ARHGEF10L: variants seen among roughly 807,000 people sequenced by gnomAD.
ARHGEF10L encodes Rho guanine nucleotide exchange factor 10 like, also known as rho guanine nucleotide exchange factor 10-like protein.
Under a neutral mutation model 141.2 loss-of-function variants are expected in ARHGEF10L, and 69 were observed. The ratio of observed to expected loss-of-function variants is 0.49; its 90% CI spans 0.40 to 0.60. ARHGEF10L has a LOEUF of 0.60. Ranked by LOEUF, ARHGEF10L falls within the 20% of genes least tolerant of loss-of-function variation. The pLI, the probability that ARHGEF10L is intolerant of heterozygous loss-of-function variation, is 0.00. For synonymous variants in ARHGEF10L, 711 were observed against 718.5 expected (o/e 0.99, Z 0.17); for missense variants, 1,482 against 1,734.3 (o/e 0.85, Z 2.58).
chr1:17,539,524 G>T (rs938776270), upstream of ARHGEF10L, among the ~76,000 whole-genome samples: 4 of 151,942 alleles, frequency 2.6e-5, no homozygotes, highest in Non-Finnish European at 5.9e-5. The surrounding 1 kb of genome is among the most constrained non-coding windows in gnomAD (Gnocchi z 6.0). Context: ...TACTGTGGGG[G>T]GCCGGTGGGC....
At chr1:17,630,451 C>G (rs935386653) in intron 15 of ARHGEF10L, among the ~76,000 whole-genome samples, 14 of 152,338 alleles carry the variant, frequency 9.2e-5, no homozygotes, top group Middle Eastern at 3.4e-3. Flanking sequence ...GAGTAGTGGT[C>G]TCTTGAGTTG....
chr1:17,617,810 C>T (rs2059889679), intron 9 of ARHGEF10L, among the ~76,000 whole-genome samples: 1 of 152,034 alleles, frequency 6.6e-6, no homozygotes, highest in South Asian at 2.1e-4. Context: ...AGAGAGAGAG[C>T]CCCATGTAGC....
In ARHGEF10L at chr1:17,664,478, C is replaced by T. The variant is rs749642671; in HGVS notation, c.2892C>T (p.Pro964=). The change falls in exon 26 of 29, where the codon CCC becomes CCT. Residue 964 remains proline, a synonymous_variant. Coordinates refer to ENST00000361221, the MANE Select transcript of ARHGEF10L (RefSeq NM_018125.4). Reference sequence around the variant, plus strand: ...TCCTGTGGGACCTGGAGAGCCCTCCCGTGTGCCTGACTGTGGGGCCCGGGC... The same window carrying T: ...TCCTGTGGGACCTGGAGAGCCCTCCTGTGTGCCTGACTGTGGGGCCCGGGC... ...GGVLWDLESP[P]VCLTVGPGPV... The T allele has an allele frequency of 1.6e-5, 25 of 1,606,290 alleles. No homozygotes were observed. Among genetic ancestry groups the T allele is most frequent in the East Asian group, 4.5e-5 (2 of 44,850 alleles).
rs995539256 is a variant in ARHGEF10L, at chr1:17,580,774, T to A, written c.37+142T>A. 2.7e-5 allele frequency: 25 copies of A among 936,304 alleles called. No individual in the cohort carries two copies. The African/African-American group carries it at 3.3e-4, about 12-fold the overall frequency. 58.0% of individuals were successfully genotyped at this position (936,304 alleles called of 1,614,324 possible). A position where few individuals can be genotyped will look rare whatever the true frequency, so the allele number is the denominator to read the frequency against. ...GGCTGCTGGCCCTGCCTGGGCCGCA[T>A]CCTCTATCTCACGTTCCTTGTCTAC... On this transcript the variant is annotated intron_variant, in intron 2 of 28. Coordinates refer to ENST00000361221, the MANE Select transcript of ARHGEF10L (RefSeq NM_018125.4).
chr1:17,531,638 A>T, the ARHGEF10L span, among the ~76,000 whole-genome samples: 3 of 152,078 alleles, frequency 2.0e-5, no homozygotes, highest in African/African-American at 7.2e-5. Flanking sequence ...AACGGGAGAG[A>T]TGGGTGTGAT....
chr1:17,625,912 T>C lies in ARHGEF10L; in HGVS notation c.1318-44T>C, dbSNP rs1300195627. On this transcript the variant is annotated intron_variant, in intron 13 of 28. Transcript: ENST00000361221. This position sits in a 1 kb window ranked among gnomAD's most constrained non-coding sequence, Gnocchi z 4.5. The stretch of plus-strand genomic sequence containing the variant: ...GTCTGGACTCTGGGGCACTGGGCCC[T>C]CTCTGCAGGGGGTCAGCGAATGACG... 1 of 1,577,936 alleles carries C rather than the reference T, an allele frequency of 6.3e-7. No individual in the cohort carries two copies.
chr1:17,612,163 G>A (rs754456960), intron 7 of ARHGEF10L, among the ~76,000 whole-genome samples: 1 of 152,142 alleles, frequency 6.6e-6, no homozygotes, highest in African/African-American at 2.4e-5. Context: ...AGCCAGTTAT[G>A]AGCATCTCTT....
chr1:17,632,651 G>A (rs2060768097), intron 16 of ARHGEF10L, among the ~76,000 whole-genome samples, 185 bp downstream of exon 16: 1 of 152,188 alleles, frequency 6.6e-6, no homozygotes, highest in African/African-American at 2.4e-5. Context: ...GGAAGTACCT[G>A]GAGCAGTCAT....
chr1:17,596,111 C>T (rs2080072676), intron 4 of ARHGEF10L, among the ~76,000 whole-genome samples: 1 of 152,230 alleles, frequency 6.6e-6, no homozygotes, highest in South Asian at 2.1e-4. Flanking sequence ...CTGCAGGGAG[C>T]TTACCCCTGA....
intron 1 of ARHGEF10L, among the ~76,000 whole-genome samples, chr1:17,543,278 A>G (rs2489612): frequency 0.08 from 12,184 of 152,252 alleles, 548 homozygotes; most frequent in African/African-American, 0.11. Flanking sequence ...GTTGTTAAAC[A>G]CAACCATTAT....
chr1:17,626,702 C>T (rs2060405394), intron 14 of ARHGEF10L, among the ~76,000 whole-genome samples: 1 of 152,246 alleles, frequency 6.6e-6, no homozygotes, highest in Non-Finnish European at 1.5e-5. Flanking sequence ...ACCATCACCA[C>T]CACCCATCCC....
Position 17,619,488 on chromosome 1 carries a change from G to A in ARHGEF10L, c.942+43G>A, listed in dbSNP as rs1421806277. 6.9e-7 allele frequency: 1 copy of A among 1,457,904 alleles called. No individual in the cohort carries two copies. The allele number at this position is 1,457,904 out of a possible 1,614,324, so 90.3% of individuals were successfully genotyped here. ...GCAGGTGGGGGTCTGCAGGGGAAGG[G>A]GTGGCTTGGGGGTTCCAGCCTGTTC... is the stretch of plus-strand genomic sequence containing the variant. On this transcript the variant is annotated intron_variant, in intron 10 of 28. Transcript: ENST00000361221. The surrounding 1 kb of genome is among the most constrained non-coding windows in gnomAD (Gnocchi z 5.0).
At chr1:17,665,665 AGTGTCCC>A (rs2062931871) in intron 26 of ARHGEF10L, among the ~76,000 whole-genome samples, 1 of 152,222 alleles carries the variant, frequency 6.6e-6, no homozygotes, top group South Asian at 2.1e-4. Context: ...AATGGGAATA[AGTGTCCC>A]GTTCCTGGAA....
At chr1:17,532,501 G>A in the ARHGEF10L span, among the ~76,000 whole-genome samples, 2 of 152,156 alleles carry the variant, frequency 1.3e-5, no homozygotes, top group African/African-American at 4.8e-5. Context: ...TGGCCTGCTG[G>A]GTAGAGGAGC....
Position 17,619,531 on chromosome 1 carries a change from CT to C in ARHGEF10L, c.942+87del. Reference sequence around the variant, plus strand: ...GCCTGTTCTCTGGGGCCACGCTTGTCTGGATCTCACAGGGGATATGATGACT... The same window carrying C: ...GCCTGTTCTCTGGGGCCACGCTTGTCGGATCTCACAGGGGATATGATGACT... On this transcript the variant is annotated intron_variant, in intron 10 of 28. Coordinates refer to ENST00000361221, the MANE Select transcript of ARHGEF10L (RefSeq NM_018125.4). This position sits in a 1 kb window ranked among gnomAD's most constrained non-coding sequence, Gnocchi z 5.0. The C allele has an allele frequency of 2.8e-6, 3 of 1,090,704 alleles. No individual in the cohort carries two copies. The highest frequency in any genetic ancestry group is 3.9e-6 in the Non-Finnish European group (3 of 764,094). 67.6% of individuals were successfully genotyped at this position (1,090,704 alleles called of 1,614,324 possible).
intron 12 of ARHGEF10L, 66 bp from the exon 13 acceptor site, chr1:17,624,321 C>T: frequency 7.5e-7 from 1 of 1,340,968 alleles, no homozygotes; most frequent in Non-Finnish European, 1.1e-6. Context: ...TGGCCCACAC[C>T]TGCCTCGTTT....
At chr1:17,515,291 CTTT>C in the ARHGEF10L span, among the ~76,000 whole-genome samples, 18 of 131,956 alleles carry the variant, frequency 1.4e-4, no homozygotes, top group Admixed American at 2.4e-4. Context: ...CTTTTTCTCT[CTTT>C]TTTTTTTTTT....
intron 16 of ARHGEF10L, among the ~76,000 whole-genome samples, chr1:17,633,089 A>C (rs1230870850): frequency 6.6e-6 from 1 of 152,174 alleles, no homozygotes; most frequent in African/African-American, 2.4e-5. Flanking sequence ...TAACACAGGG[A>C]GCCCACACCA....
chr1:17,608,265 A>G (rs2081358670), intron 7 of ARHGEF10L, among the ~76,000 whole-genome samples: 1 of 152,134 alleles, frequency 6.6e-6, no homozygotes, highest in African/African-American at 2.4e-5. Context: ...TGGTCAATTG[A>G]TCCTGATGCT....
Sources: allele counts gnomAD v4.1 joint callset (sites outside exome capture counted in the v4.1 genomes callset), GRCh38; gene constraint gnomAD v4.1.1; non-coding constraint Gnocchi (gnomAD v3.1); transcripts MANE v1.5; gene names NCBI Gene and HGNC (gene_info 2026-07-23, HGNC 2026-07-21).